The following EXOC4 variants were observed in gnomAD, a reference collection of about 807,000 sequenced individuals.
The protein encoded by EXOC4 is SEC8-like 1.
In EXOC4, 71 loss-of-function variants were observed where a neutral mutation model predicts 107.2. The ratio of observed to expected loss-of-function variants is 0.66; its 90% CI spans 0.55 to 0.81. The LOEUF (loss-of-function observed/expected upper bound fraction) is 0.81. Ranked by LOEUF, EXOC4 falls within the 30% of genes least tolerant of loss-of-function variation. EXOC4 has a pLI of 0.00. For missense variants in EXOC4, 1,108 were observed against 1,189.6 expected (o/e 0.93, Z 1.01); for synonymous variants, 456 against 441.2 (o/e 1.03, Z -0.42).
At position 133,691,914 on chromosome 7, in the gene EXOC4, C is replaced by T. The variant is rs567229224; in HGVS notation, c.1514+61773C>T. 2.0e-3 allele frequency among the ~76,000 whole-genome samples: 300 copies of T among 152,270 alleles called. 1 individual carries two copies. Among genetic ancestry groups the T allele is most frequent in the Non-Finnish European group, 3.3e-3 (225 of 68,038 alleles). ...AAGCCTTCACATGGAAAAGTTGCTA[C>T]CCTTTGACCATCTCCACTGTGTACG... On this transcript the variant is annotated intron_variant, in intron 10 of 17. Transcript: ENST00000253861.
At chr7:133,326,692 A>G (rs565334531) in intron 5 of EXOC4, among the ~76,000 whole-genome samples, 126 of 152,308 alleles carry the variant, frequency 8.3e-4, no homozygotes, top group African/African-American at 2.9e-3. Context: ...CCGTTCTCAG[A>G]TCTCAAATTC....
chr7:133,397,270 C>T (rs2150726106), intron 7 of EXOC4, among the ~76,000 whole-genome samples: 1 of 147,632 alleles, frequency 6.8e-6, no homozygotes, highest in Admixed American at 6.9e-5. Flanking sequence ...AGCTGGATTA[C>T]AGGCCACCAC....
intron 9 of EXOC4, among the ~76,000 whole-genome samples, chr7:133,580,470 T>C (rs1801230873): frequency 6.6e-6 from 1 of 152,206 alleles, no homozygotes; most frequent in African/African-American, 2.4e-5. Context: ...GTAGTGCCCA[T>C]AGGTTCCAAT....
intron 10 of EXOC4, among the ~76,000 whole-genome samples, chr7:133,761,494 A>G (rs1012841178): frequency 3.9e-5 from 6 of 152,132 alleles, no homozygotes; most frequent in Non-Finnish European, 8.8e-5. Context: ...GGAATTTAGA[A>G]CTGGAAAGAG....
At chr7:133,414,001 T>TC (rs1318762537) in intron 7 of EXOC4, among the ~76,000 whole-genome samples, 2 of 152,076 alleles carry the variant, frequency 1.3e-5, no homozygotes, top group African/African-American at 4.8e-5. Context: ...AACTTAAAAA[T>TC]CTTAAATATA....
intron 10 of EXOC4, among the ~76,000 whole-genome samples, chr7:133,656,057 T>C (rs535848245): frequency 2.6e-5 from 4 of 152,200 alleles, no homozygotes; most frequent in Admixed American, 6.5e-5. Context: ...CTCAGTTCCA[T>C]TGGAATCGTA....
At chr7:133,593,921 C>T (rs750331025) in intron 9 of EXOC4, among the ~76,000 whole-genome samples, 3 of 151,978 alleles carry the variant, frequency 2.0e-5, no homozygotes, top group Non-Finnish European at 4.4e-5. Flanking sequence ...AGTTATGTGA[C>T]AATGTGGAAA....
intron 7 of EXOC4, among the ~76,000 whole-genome samples, chr7:133,406,976 A>G (rs1287995216): frequency 6.6e-6 from 1 of 152,194 alleles, no homozygotes; most frequent in Non-Finnish European, 1.5e-5. Context: ...CTTGGATTTG[A>G]CAAAGACTGT....
At chr7:133,865,178 G>A (rs1298097520) in intron 11 of EXOC4, among the ~76,000 whole-genome samples, 3 of 151,832 alleles carry the variant, frequency 2.0e-5, no homozygotes, top group Non-Finnish European at 4.4e-5. Context: ...GATTTAAGGT[G>A]GATTCTAAGA....
At chr7:133,372,262 C>T (rs1206883956) in intron 6 of EXOC4, among the ~76,000 whole-genome samples, 3 of 152,102 alleles carry the variant, frequency 2.0e-5, no homozygotes. Context: ...CACCGTTGTG[C>T]TTCGGTAAGG....
intron 7 of EXOC4, among the ~76,000 whole-genome samples, chr7:133,377,059 A>G (rs181721212): frequency 6.6e-6 from 1 of 152,316 alleles, no homozygotes; most frequent in African/African-American, 2.4e-5. Context: ...AATATCTAAA[A>G]TGAAAAATCC....
chr7:134,086,004 G>A, the EXOC4 span, among the ~76,000 whole-genome samples: 1 of 152,118 alleles, frequency 6.6e-6, no homozygotes, highest in African/African-American at 2.4e-5. Context: ...AGTCGTACTG[G>A]AGCATTGAAA....
intron 7 of EXOC4, among the ~76,000 whole-genome samples, chr7:133,376,933 A>G (rs1312132475): frequency 6.6e-6 from 1 of 152,258 alleles, no homozygotes; most frequent in Non-Finnish European, 1.5e-5. Context: ...AAGTAAGACA[A>G]CATAATTCAG....
chr7:134,032,075 A>G (rs773521285), intron 17 of EXOC4, among the ~76,000 whole-genome samples: 2 of 152,194 alleles, frequency 1.3e-5, no homozygotes, highest in African/African-American at 2.4e-5. Context: ...TGAAATTAGC[A>G]ATCAGTGATT....
intron 9 of EXOC4, among the ~76,000 whole-genome samples, chr7:133,540,018 GA>G (rs1405376134): frequency 6.6e-6 from 1 of 151,034 alleles, no homozygotes; most frequent in South Asian, 2.1e-4. Context: ...ATTCAGGTGT[GA>G]AAAAAAAATC....
chr7:133,304,396 G>C (rs1211681841), intron 3 of EXOC4, among the ~76,000 whole-genome samples: 1 of 152,224 alleles, frequency 6.6e-6, no homozygotes, highest in East Asian at 1.9e-4. Context: ...CATAGCAGGG[G>C]CAGTTGCAAG....
chr7:133,991,428 TG>T (rs1188471170), intron 14 of EXOC4, among the ~76,000 whole-genome samples: 3 of 152,210 alleles, frequency 2.0e-5, no homozygotes, highest in African/African-American at 7.2e-5. Flanking sequence ...TTGTTTCCTT[TG>T]CTTTGTAGAA....
chr7:133,364,375 A>G (rs1322837968), intron 6 of EXOC4, among the ~76,000 whole-genome samples: 1 of 150,996 alleles, frequency 6.6e-6, no homozygotes, highest in Admixed American at 6.6e-5. Flanking sequence ...TCCCGGTCTC[A>G]AGAGTCTTTC....
rs572629506 is a variant in EXOC4 at position 133,586,352 on chromosome 7, C to G, written c.1418-43693C>G. Reference sequence around the variant, plus strand: ...GTCATGCAGTATTCGGTTTTCTGTTCCTGTGTTAGTTTACTTAGGATAATG... The same window carrying G: ...GTCATGCAGTATTCGGTTTTCTGTTGCTGTGTTAGTTTACTTAGGATAATG... On this transcript the variant is annotated intron_variant, in intron 9 of 17. Transcript: ENST00000253861. Among the ~76,000 whole-genome samples, 212 of 152,260 alleles carry G rather than the reference C, an allele frequency of 1.4e-3. 1 individual carries two copies. Among genetic ancestry groups the G allele is most frequent in the Non-Finnish European group, 1.2e-3 (80 of 68,018 alleles).
Sources: gnomAD v4.1 joint callset for allele counts (sites outside exome capture counted in the v4.1 genomes callset) on GRCh38, gnomAD v4.1.1 for gene constraint, MANE v1.5 for transcripts, NCBI Gene and HGNC (gene_info 2026-07-23, HGNC 2026-07-21) for gene names.